The following SMARCAL1 variants were observed in gnomAD, a reference collection of about 807,000 sequenced individuals.
SMARCAL1 encodes SNF2 related chromatin remodeling annealing helicase 1, also known as ATP-driven annealing helicase.
In SMARCAL1, 58 loss-of-function variants were observed where a neutral mutation model predicts 94.5. The ratio of observed to expected loss-of-function variants is 0.61; its 90% CI spans 0.50 to 0.76. The LOEUF is 0.76. Ranked by LOEUF, SMARCAL1 falls within the 30% of genes least tolerant of loss-of-function variation. The pLI, the probability that SMARCAL1 is intolerant of heterozygous loss-of-function variation, is 0.00. For synonymous variants in SMARCAL1, 422 were observed against 455.1 expected (o/e 0.93, Z 0.93); for missense variants, 1,051 against 1,177.9 (o/e 0.89, Z 1.58).
At chr2:216,426,081 T>G (rs1693827134) in intron 6 of SMARCAL1, among the ~76,000 whole-genome samples, 1 of 152,220 alleles carries the variant, frequency 6.6e-6, no homozygotes, top group Non-Finnish European at 1.5e-5. Context: ...AGGCTGGTCT[T>G]GAACTCCTGG....
chr2:216,456,452 T>G lies in SMARCAL1; in HGVS notation c.2070+5388T>G, dbSNP rs563624345. 4.6e-5 allele frequency among the ~76,000 whole-genome samples: 7 copies of G among 152,314 alleles called. No homozygotes were observed. In the South Asian group the frequency reaches 8.3e-4, roughly 18 times the overall value. ...GTTAAAGGCAGCCAGAGAGAAAGGT[T>G]GGGTTACCCACAAAGGGAAGCCCAT... On this transcript the variant is annotated intron_variant, in intron 12 of 17. Coordinates refer to ENST00000357276, the MANE Select transcript of SMARCAL1 (RefSeq NM_014140.4).
chr2:216,456,057 A>G (rs568218919), intron 12 of SMARCAL1, among the ~76,000 whole-genome samples: 2 of 152,370 alleles, frequency 1.3e-5, no homozygotes, highest in South Asian at 4.1e-4. Context: ...ACGAATGCAT[A>G]AGCTTCAGTA....
chr2:216,469,989 TTTTATTTA>T (rs577819402), intron 14 of SMARCAL1, among the ~76,000 whole-genome samples: 1 of 152,062 alleles, frequency 6.6e-6, no homozygotes, highest in Non-Finnish European at 1.5e-5. Context: ...ATGTGTATCA[TTTTATTTA>T]TTTATTTATT....
intron 9 of SMARCAL1, among the ~76,000 whole-genome samples, chr2:216,437,846 C>T (rs778448034): frequency 3.3e-5 from 5 of 152,230 alleles, no homozygotes; most frequent in Admixed American, 1.3e-4. Context: ...AATCAGACTT[C>T]ATGTTCTAAA....
At chr2:216,442,963 A>C (rs1422921444) in intron 10 of SMARCAL1, among the ~76,000 whole-genome samples, 4 of 152,172 alleles carry the variant, frequency 2.6e-5, no homozygotes, top group African/African-American at 9.7e-5. Flanking sequence ...AGGCTATAGA[A>C]GTCCCCTGAG....
At chr2:216,427,857 A>T (rs1050314440) in intron 6 of SMARCAL1, among the ~76,000 whole-genome samples, 1 of 152,230 alleles carries the variant, frequency 6.6e-6, no homozygotes, top group Non-Finnish European at 1.5e-5. Context: ...AAAACATATG[A>T]TCACACATGT....
rs2106095078 is a variant in SMARCAL1, at chr2:216,482,950, C to T, written c.2838C>T (p.Asn946=). The T allele has an allele frequency of 6.2e-7, 1 of 1,614,124 alleles. No individual in the cohort carries two copies. The highest frequency in any genetic ancestry group is 8.5e-7 in the Non-Finnish European group (1 of 1,180,018). The part of the protein sequence containing the change: ...QKKRRFEFFD[N]WDSFTSPL Reference sequence around the variant, plus strand: ...AAAGGAGATTTGAATTTTTTGATAACTGGGACAGCTTTACGTCTCCCCTGT... The same window carrying T: ...AAAGGAGATTTGAATTTTTTGATAATTGGGACAGCTTTACGTCTCCCCTGT... Residue 946 remains asparagine (N), a synonymous_variant, in exon 18 of 18, where the codon AAC becomes AAT. Transcript: ENST00000357276. The surrounding 1 kb of genome is among the most constrained non-coding windows in gnomAD (Gnocchi z 4.3).
intron 12 of SMARCAL1, among the ~76,000 whole-genome samples, chr2:216,453,041 C>T (rs750380260): frequency 6.6e-6 from 1 of 152,196 alleles, no homozygotes; most frequent in Non-Finnish European, 1.5e-5. Flanking sequence ...TGGAAAAGTA[C>T]ATAAGGATAG....
At chr2:216,451,120 C>T (rs768092211) in intron 12 of SMARCAL1, 56 bp downstream of exon 12, 2 of 1,385,938 alleles carry the variant, frequency 1.4e-6, no homozygotes, top group Non-Finnish European at 1.0e-6. Context: ...TGTTCCTTTC[C>T]ATGAGAGGCC....
At chr2:216,474,125 A>ATTTTTTTTTTT (rs1695019243) in intron 14 of SMARCAL1, among the ~76,000 whole-genome samples, 2 of 123,888 alleles carry the variant, frequency 1.6e-5, no homozygotes, top group African/African-American at 3.3e-5. Context: ...TTTGTATAGC[A>ATTTTTTTTTTT]TTCTTTTTTT....
intron 14 of SMARCAL1, among the ~76,000 whole-genome samples, chr2:216,469,524 T>TCCG (rs1694915418): frequency 6.6e-6 from 1 of 152,132 alleles, no homozygotes; most frequent in East Asian, 1.9e-4. Context: ...GACCTCATGA[T>TCCG]CCGCCCGCCT....
At chr2:216,422,946 A>T (rs1283101627) in intron 5 of SMARCAL1, among the ~76,000 whole-genome samples, 1 of 152,262 alleles carries the variant, frequency 6.6e-6, no homozygotes, top group African/African-American at 2.4e-5. Context: ...AATCCCACTA[A>T]CAATAATTCA....
chr2:216,415,976 C>T (rs762100163), intron 3 of SMARCAL1: 2 of 443,396 alleles, frequency 4.5e-6, no homozygotes, highest in Non-Finnish European at 8.3e-6. Context: ...CCTGACCACA[C>T]TACGACCTGG....
chr2:216,467,596 GA>G (rs1353583980), intron 13 of SMARCAL1, among the ~76,000 whole-genome samples: 1 of 151,986 alleles, frequency 6.6e-6, no homozygotes, highest in Non-Finnish European at 1.5e-5. Context: ...CCTTGGAAGA[GA>G]ATTAACTGAC....
At position 216,468,901 on chromosome 2, in the gene SMARCAL1, C is replaced by T. The variant is rs112277847; in HGVS notation, c.2244+855C>T. ...CTAATTTTTGTATTTTTAGTAGAGA[C>T]GGGGTTTCACCATGTTGCCCAGGCT... On this transcript the variant is annotated intron_variant, in intron 14 of 17. Transcript: ENST00000357276. 2.9e-3 allele frequency among the ~76,000 whole-genome samples: 446 copies of T among 152,096 alleles called. 6 individuals carry two copies. Among genetic ancestry groups the T allele is most frequent in the East Asian group, 0.026 (136 of 5,148 alleles).
At chr2:216,458,746 G>A (rs915170929) in intron 12 of SMARCAL1, among the ~76,000 whole-genome samples, 1 of 152,140 alleles carries the variant, frequency 6.6e-6, no homozygotes, top group African/African-American at 2.4e-5. Flanking sequence ...GGCAAAAACT[G>A]GAAGCATTCC....
intron 12 of SMARCAL1, among the ~76,000 whole-genome samples, chr2:216,452,854 A>T (rs764315231): frequency 1.1e-4 from 17 of 152,350 alleles, no homozygotes; most frequent in Non-Finnish European, 1.6e-4. Flanking sequence ...TTCAGATGTC[A>T]CCTGAGAGTT....
rs747794924 is a variant in SMARCAL1 at position 216,414,696 on chromosome 2, T to G, written c.-9T>G. On this transcript the variant is annotated 5_prime_UTR_variant, in exon 3 of 18. Coordinates refer to ENST00000357276, the MANE Select transcript of SMARCAL1 (RefSeq NM_014140.4). The stretch of plus-strand genomic sequence containing the variant: ...GTTGACATTCCTGCATAAGCATTTC[T>G]CTGTGAAAATGTCCTTGCCTCTTAC... 13 of 1,613,150 alleles carry G rather than the reference T, an allele frequency of 8.1e-6. No individual in the cohort carries two copies. In the Middle Eastern group the frequency reaches 8.2e-4, roughly 102 times the overall value.
At chr2:216,455,762 GA>G (rs1416425317) in intron 12 of SMARCAL1, among the ~76,000 whole-genome samples, 1 of 152,212 alleles carries the variant, frequency 6.6e-6, no homozygotes, top group Non-Finnish European at 1.5e-5. Flanking sequence ...AAACAGAGCA[GA>G]AAAACTGAAA....
Sources: gnomAD v4.1 joint callset for allele counts (sites outside exome capture counted in the v4.1 genomes callset) on GRCh38, gnomAD v4.1.1 for gene constraint, Gnocchi (gnomAD v3.1) non-coding constraint, MANE v1.5 for transcripts, NCBI Gene and HGNC (gene_info 2026-07-23, HGNC 2026-07-21) for gene names.